PALM2AKAP2: variants seen among roughly 807,000 people sequenced by gnomAD.
The protein encoded by PALM2AKAP2 is PALM2 and AKAP2 fusion.
PALM2AKAP2 carries 37 observed loss-of-function variants against 71.5 expected under a neutral mutation model. That is an observed-to-expected ratio of 0.52 (90% CI 0.40 to 0.68). The LOEUF is 0.68. PALM2AKAP2 is among the 30% of genes least tolerant of loss of function. PALM2AKAP2 has a pLI of 0.00. For missense variants in PALM2AKAP2, 1,224 were observed against 1,191.8 expected, an observed-to-expected ratio of 1.03 and a Z score of -0.40; for synonymous variants, 468 against 478.8, an observed-to-expected ratio of 0.98 and a Z score of 0.29.
chr9:109,834,604 G>T (rs1213834549), intron 1 of PALM2AKAP2, among the ~76,000 whole-genome samples: 1 of 152,088 alleles, frequency 6.6e-6, no homozygotes, highest in African/African-American at 2.4e-5. Context: ...TCAGGGTCGG[G>T]GGTTGAGATG....
At chr9:109,738,179 A>G (rs1828665721) in intron 1 of PALM2AKAP2, among the ~76,000 whole-genome samples, 1 of 152,140 alleles carries the variant, frequency 6.6e-6, no homozygotes, top group Non-Finnish European at 1.5e-5. Flanking sequence ...TATATCTGGG[A>G]GGTAGAATTA....
intron 7 of PALM2AKAP2, among the ~76,000 whole-genome samples, chr9:110,037,786 A>G (rs1400110346): frequency 6.6e-6 from 1 of 152,238 alleles, no homozygotes; most frequent in Non-Finnish European, 1.5e-5. Flanking sequence ...TTGAGAGGAA[A>G]TTAAGAATTT....
chr9:109,653,583 T>C (rs895584847), intron 1 of PALM2AKAP2, among the ~76,000 whole-genome samples: 1 of 152,200 alleles, frequency 6.6e-6, no homozygotes, highest in Admixed American at 6.5e-5. Flanking sequence ...ACAGCATCTT[T>C]CCCACTGCAA....
At chr9:109,948,714 CAT>C (rs1831567568) in intron 6 of PALM2AKAP2, among the ~76,000 whole-genome samples, 1 of 152,120 alleles carries the variant, frequency 6.6e-6, no homozygotes, top group African/African-American at 2.4e-5. Flanking sequence ...TCTCACAAAT[CAT>C]AAAATTCTCC....
At chr9:110,103,877 T>G (rs1354375854) in intron 1 of PALM2AKAP2, among the ~76,000 whole-genome samples, 1 of 152,196 alleles carries the variant, frequency 6.6e-6, no homozygotes, top group East Asian at 1.9e-4. Context: ...TGGCAAAAGA[T>G]CCTTCATATC....
intron 6 of PALM2AKAP2, among the ~76,000 whole-genome samples, chr9:109,979,684 A>G (rs1349313394): frequency 6.6e-6 from 1 of 152,214 alleles, no homozygotes; most frequent in Non-Finnish European, 1.5e-5. Context: ...AATGGAACTA[A>G]TCAAGGAACC....
chr9:109,769,124 A>G lies in PALM2AKAP2; in HGVS notation c.6-11364A>G, dbSNP rs181902862. ...CATAAAAATAGTAGTTTTTACTGAC[A>G]TTAGTTTGTTTCTGCCTTATAAGAA... On this transcript the variant is annotated intron_variant, in intron 1 of 6. Transcript: ENST00000374531. Among the ~76,000 whole-genome samples, 5 of 150,782 alleles carry G rather than the reference A, an allele frequency of 3.3e-5. 1 individual carries two copies. Among genetic ancestry groups the G allele is most frequent in the African/African-American group, 1.2e-4 (5 of 40,440 alleles).
chr9:110,014,802 AAATGTAT>A lies in PALM2AKAP2; in HGVS notation c.497-1150_497-1144del, dbSNP rs1307760483. 7.6e-3 allele frequency among the ~76,000 whole-genome samples: 315 copies of A among 41,426 alleles called. 24 individuals are homozygous for A. Among genetic ancestry groups the A allele is most frequent in the African/African-American group, 0.038 (223 of 5,852 alleles). The allele number at this position is 41,426 out of a possible 152,430, so 27.2% of individuals were successfully genotyped here. On this transcript the variant is annotated intron_variant, in intron 6 of 9. Coordinates refer to the PALM2AKAP2 transcript ENST00000302798. Reference sequence around the variant, plus strand: ...CTCAAAAAAAAAAAAAAAAAAAAAAAAATGTATATATATATATATATATATATATATA... The same window carrying A: ...CTCAAAAAAAAAAAAAAAAAAAAAAAATATATATATATATATATATATATA...
chr9:110,039,271 G>GA lies in PALM2AKAP2; in HGVS notation c.582+23236dup, dbSNP rs1833472375. 3.3e-5 allele frequency among the ~76,000 whole-genome samples: 5 copies of GA among 152,064 alleles called. No individual in the cohort carries two copies. In the South Asian group the frequency reaches 1.0e-3, roughly 32 times the overall value. ...CTCAATAAATAAATAATTTTAAAAA[G>GA]AAAATTCATAATATACAATCTATCC... On this transcript the variant is annotated intron_variant, in intron 7 of 9. Transcript: ENST00000302798.
chr9:110,005,059 C>T (rs1396895853), intron 6 of PALM2AKAP2, among the ~76,000 whole-genome samples: 6 of 152,040 alleles, frequency 3.9e-5, no homozygotes, highest in Non-Finnish European at 8.8e-5. Context: ...CAGCTTTGTT[C>T]CATTGCTGGT....
chr9:110,014,445 A>C (rs542754315), intron 6 of PALM2AKAP2, among the ~76,000 whole-genome samples: 1 of 152,188 alleles, frequency 6.6e-6, no homozygotes, highest in East Asian at 1.9e-4. Context: ...TAAGGAGATG[A>C]TTATTCTTGC....
chr9:109,756,260 A>G (rs2118722967), intron 1 of PALM2AKAP2, among the ~76,000 whole-genome samples: 1 of 152,084 alleles, frequency 6.6e-6, no homozygotes, highest in East Asian at 1.9e-4. Flanking sequence ...ACAGCGTCAC[A>G]TTTTGTGTTT....
chr9:110,013,329 A>C (rs1832918434), intron 6 of PALM2AKAP2, among the ~76,000 whole-genome samples: 1 of 152,220 alleles, frequency 6.6e-6, no homozygotes. Context: ...ATATTTGCTG[A>C]ACAGTAATTC....
intron 1 of PALM2AKAP2, among the ~76,000 whole-genome samples, chr9:109,817,955 G>A (rs1827892918): frequency 1.3e-5 from 2 of 152,196 alleles, no homozygotes; most frequent in Non-Finnish European, 2.9e-5. Context: ...TCGTTAAGTG[G>A]ATCTCCCACA....
chr9:109,792,013 A>C (rs560290849), intron 1 of PALM2AKAP2, among the ~76,000 whole-genome samples: 1 of 152,162 alleles, frequency 6.6e-6, no homozygotes, highest in South Asian at 2.1e-4. Context: ...GTCACAACCT[A>C]TTTTATTTAA....
At chr9:110,096,411 G>A (rs1834837631) in intron 1 of PALM2AKAP2, among the ~76,000 whole-genome samples, 3 of 110,332 alleles carry the variant, frequency 2.7e-5, no homozygotes, top group South Asian at 2.5e-4. Flanking sequence ...CTACAGGAAT[G>A]CACCATTATG....
intron 6 of PALM2AKAP2, among the ~76,000 whole-genome samples, chr9:110,002,568 C>G (rs2132282840): frequency 6.6e-6 from 1 of 152,204 alleles, no homozygotes; most frequent in South Asian, 2.1e-4. Flanking sequence ...GGATGATTCC[C>G]TTTTTTTCTA....
chr9:109,691,845 T>C, intron 1 of PALM2AKAP2, among the ~76,000 whole-genome samples: 1 of 18,346 alleles, frequency 5.5e-5, no homozygotes, highest in Non-Finnish European at 8.6e-5. Flanking sequence ...TATATATATA[T>C]ATATATATAT....
intron 3 of PALM2AKAP2, among the ~76,000 whole-genome samples, chr9:109,901,251 C>T (rs905248974): frequency 2.0e-5 from 3 of 152,216 alleles, no homozygotes; most frequent in Non-Finnish European, 4.4e-5. Context: ...CAGGTTGTTA[C>T]AGATACTCTA....
Sources: gnomAD v4.1 joint callset for allele counts (sites outside exome capture counted in the v4.1 genomes callset) on GRCh38, gnomAD v4.1.1 for gene constraint, MANE v1.5 for transcripts, NCBI Gene and HGNC (gene_info 2026-07-23, HGNC 2026-07-21) for gene names.